The following RARB variants were observed in gnomAD, a reference collection of about 807,000 sequenced individuals.
The protein encoded by RARB is retinoic acid receptor beta, also known as HBV-activated protein.
A neutral mutation model predicts 51.9 loss-of-function variants in RARB; 17 were observed. The observed-to-expected ratio is 0.33, with a 90% CI of 0.22 to 0.49. The LOEUF is 0.49. Ranked by LOEUF, RARB falls within the 20% of genes least tolerant of loss-of-function variation. The pLI, the probability that RARB is intolerant of heterozygous loss-of-function variation, is 0.99. For synonymous variants in RARB, 215 were observed against 195.4 expected, an observed-to-expected ratio of 1.10 and a Z score of -0.84; for missense variants, 369 against 550.8, an observed-to-expected ratio of 0.67 and a Z score of 3.30.
chr3:25,172,794 AC>A (rs1398483167), intron 4 of RARB, among the ~76,000 whole-genome samples: 2 of 152,214 alleles, frequency 1.3e-5, no homozygotes, highest in Admixed American at 6.5e-5. Flanking sequence ...TTTACTATTT[AC>A]CTAGTGTTTA....
chr3:25,178,011 A>G (rs1700789514), intron 5 of RARB, among the ~76,000 whole-genome samples: 1 of 152,084 alleles, frequency 6.6e-6, no homozygotes. Context: ...CACGTAACTC[A>G]GGTTTCTCCC....
At chr3:24,874,809 T>G (rs770341152) in intron 2 of RARB, among the ~76,000 whole-genome samples, 24 of 152,048 alleles carry the variant, frequency 1.6e-4, no homozygotes, top group Non-Finnish European at 2.4e-4. Context: ...TATTTTATAT[T>G]TGTCTTGATC....
At chr3:25,160,825 T>C (rs768256184) in intron 4 of RARB, among the ~76,000 whole-genome samples, 1 of 152,174 alleles carries the variant, frequency 6.6e-6, no homozygotes, top group Non-Finnish European at 1.5e-5. Context: ...TTTCAGCTTC[T>C]AGTGGCTTCC....
intron 2 of RARB, among the ~76,000 whole-genome samples, chr3:25,469,030 C>T (rs1695573535): frequency 6.6e-6 from 1 of 152,206 alleles, no homozygotes; most frequent in African/African-American, 2.4e-5. Context: ...CTATTTAAAG[C>T]AGTCTTTTAA....
intron 4 of RARB, among the ~76,000 whole-genome samples, chr3:25,156,641 C>G (rs865943015): frequency 1.3e-5 from 2 of 149,514 alleles, no homozygotes; most frequent in Middle Eastern, 3.6e-3. Flanking sequence ...TGCACAGAGT[C>G]TAAATGGAGA....
chr3:24,959,092 C>A (rs986515352), intron 2 of RARB, among the ~76,000 whole-genome samples: 3 of 152,198 alleles, frequency 2.0e-5, no homozygotes, highest in Non-Finnish European at 4.4e-5. Context: ...CGTTACAGTG[C>A]GCTCTTTTAG....
intron 2 of RARB, among the ~76,000 whole-genome samples, chr3:25,484,095 G>A (rs967916062): frequency 6.6e-6 from 1 of 152,192 alleles, no homozygotes; most frequent in East Asian, 1.9e-4. Context: ...CTGCTCTTTA[G>A]AGTTAAATAC....
chr3:25,529,667 C>G (rs1698810672), intron 3 of RARB, among the ~76,000 whole-genome samples: 1 of 152,074 alleles, frequency 6.6e-6, no homozygotes, highest in Non-Finnish European at 1.5e-5. Context: ...GGTGTTGGAA[C>G]TATTCCATAT....
intron 5 of RARB, among the ~76,000 whole-genome samples, chr3:25,257,710 G>A (rs1702900041): frequency 6.6e-6 from 1 of 152,002 alleles, no homozygotes; most frequent in Non-Finnish European, 1.5e-5. Flanking sequence ...TCTATTTACA[G>A]AGTCTTCCAA....
intron 4 of RARB, among the ~76,000 whole-genome samples, chr3:25,141,953 C>T (rs1178153007): frequency 1.3e-5 from 2 of 152,196 alleles, no homozygotes; most frequent in African/African-American, 4.8e-5. Flanking sequence ...TCATGACATC[C>T]ATGTGTAGAA....
intron 5 of RARB, among the ~76,000 whole-genome samples, chr3:25,256,397 A>G (rs1326680712): frequency 2.0e-5 from 3 of 151,972 alleles, no homozygotes; most frequent in Admixed American, 6.6e-5. Flanking sequence ...TTATTCTTTC[A>G]CTCTTGTTGA....
intron 4 of RARB, among the ~76,000 whole-genome samples, chr3:25,143,520 G>C (rs1362735541): frequency 6.6e-5 from 10 of 152,268 alleles, no homozygotes; most frequent in African/African-American, 2.2e-4. Flanking sequence ...TGTCACACAA[G>C]CTCAGGTTAG....
chr3:25,036,547 G>T (rs765053556), intron 2 of RARB, among the ~76,000 whole-genome samples: 1 of 152,090 alleles, frequency 6.6e-6, no homozygotes, highest in Non-Finnish European at 1.5e-5. Flanking sequence ...GAAATGTGAT[G>T]CAGAATGAGA....
intron 5 of RARB, among the ~76,000 whole-genome samples, chr3:25,585,814 CAG>C (rs1701361613): frequency 6.6e-6 from 1 of 152,148 alleles, no homozygotes; most frequent in African/African-American, 2.4e-5. Context: ...GGAGGAAGCT[CAG>C]AGAGGGGAAG....
At chr3:25,492,298 TA>T (rs1696781074) in intron 2 of RARB, among the ~76,000 whole-genome samples, 1 of 152,230 alleles carries the variant, frequency 6.6e-6, no homozygotes, top group South Asian at 2.1e-4. Context: ...TCACCTAAAT[TA>T]AAGGACATTT....
At chr3:25,521,249 T>G (rs1381091171) in intron 3 of RARB, among the ~76,000 whole-genome samples, 1 of 152,180 alleles carries the variant, frequency 6.6e-6, no homozygotes, top group East Asian at 1.9e-4. Context: ...ACGGTAGAAC[T>G]TCCCCGGCCT....
chr3:24,970,783 T>C (rs1405652964), intron 2 of RARB, among the ~76,000 whole-genome samples: 1 of 151,998 alleles, frequency 6.6e-6, no homozygotes, highest in Non-Finnish European at 1.5e-5. Flanking sequence ...TAAACTTATA[T>C]TTCTGACTGC....
At chr3:25,344,056 C>A (rs1438305914) in intron 5 of RARB, among the ~76,000 whole-genome samples, 1 of 152,160 alleles carries the variant, frequency 6.6e-6, no homozygotes, top group Non-Finnish European at 1.5e-5. Flanking sequence ...AAGTGTTAGG[C>A]TAAGGATCAG....
intron 5 of RARB, among the ~76,000 whole-genome samples, chr3:25,326,639 T>C (rs1264263327): frequency 6.6e-6 from 1 of 152,192 alleles, no homozygotes; most frequent in Non-Finnish European, 1.5e-5. Context: ...GGTTTCATCA[T>C]TCTTTAGCAT....
Sources: gnomAD v4.1 joint callset for allele counts (sites outside exome capture counted in the v4.1 genomes callset) on GRCh38, gnomAD v4.1.1 for gene constraint, MANE v1.5 for transcripts, NCBI Gene and HGNC (gene_info 2026-07-23, HGNC 2026-07-21) for gene names.